DAB1: variants seen among roughly 807,000 people sequenced by gnomAD.
The protein encoded by DAB1 is disabled homolog 1.
In DAB1, 15 loss-of-function variants were observed where a neutral mutation model predicts 64.6. The observed-to-expected ratio is 0.23, with a 90% CI of 0.16 to 0.36. The LOEUF (loss-of-function observed/expected upper bound fraction) is 0.36. Ranked by LOEUF, DAB1 falls within the 10% of genes least tolerant of loss-of-function variation. The pLI, the probability that DAB1 is intolerant of heterozygous loss-of-function variation, is 1.00. For missense variants in DAB1, 596 were observed against 706.7 expected (o/e 0.84, Z 1.78); for synonymous variants, 235 against 251.9 (o/e 0.93, Z 0.64).
intron 7 of DAB1, among the ~76,000 whole-genome samples, chr1:57,448,761 G>A (rs1477506357): frequency 1.8e-5 from 2 of 108,712 alleles, no homozygotes; most frequent in Non-Finnish European, 1.9e-5. Flanking sequence ...GTAGCAAATA[G>A]CAATTCTGAC....
intron 4 of DAB1, among the ~76,000 whole-genome samples, chr1:58,335,381 T>C (rs989687764): frequency 2.0e-5 from 3 of 152,166 alleles, no homozygotes; most frequent in Admixed American, 1.3e-4. Flanking sequence ...TTACCCTAAA[T>C]AGAAAAGTAA....
chr1:57,953,877 C>A (rs1252297053), intron 5 of DAB1, among the ~76,000 whole-genome samples: 2 of 152,172 alleles, frequency 1.3e-5, no homozygotes, highest in Admixed American at 6.5e-5. Context: ...GTTCAGATAA[C>A]CATCCCTTCC....
chr1:57,025,411 G>A (rs971524748), intron 10 of DAB1, among the ~76,000 whole-genome samples: 1 of 152,116 alleles, frequency 6.6e-6, no homozygotes, highest in African/African-American at 2.4e-5. Context: ...GTGAGGCCCA[G>A]GTCATGGTCT....
chr1:57,189,582 C>T (rs912010465), intron 2 of DAB1, among the ~76,000 whole-genome samples: 9 of 152,202 alleles, frequency 5.9e-5, no homozygotes, highest in Admixed American at 1.3e-4. Flanking sequence ...CTTTCCTGAG[C>T]CCCCTGTCAT....
intron 1 of DAB1, among the ~76,000 whole-genome samples, chr1:57,359,712 T>G (rs1679395429): frequency 6.6e-6 from 1 of 151,774 alleles, no homozygotes; most frequent in Non-Finnish European, 1.5e-5. Context: ...GATAAATAAA[T>G]AAAGAAAATG....
chr1:58,274,861 G>A (rs530627616), intron 4 of DAB1, among the ~76,000 whole-genome samples: 56 of 151,982 alleles, frequency 3.7e-4, no homozygotes, highest in Non-Finnish European at 6.9e-4. Context: ...GCCCTGCTTC[G>A]GCTCGCGCAC....
At chr1:57,987,450 G>C (rs1297324433) in intron 5 of DAB1, among the ~76,000 whole-genome samples, 1 of 152,216 alleles carries the variant, frequency 6.6e-6, no homozygotes, top group Non-Finnish European at 1.5e-5. Context: ...GCATAGGAAG[G>C]TGAAGTTTAT....
intron 3 of DAB1, among the ~76,000 whole-genome samples, chr1:58,370,697 G>A (rs566245540): frequency 3.4e-4 from 52 of 152,254 alleles, no homozygotes; most frequent in African/African-American, 1.0e-3. Context: ...AGGACCTAGC[G>A]TGAGATGATT....
At chr1:58,073,066 C>T (rs2806406) in intron 5 of DAB1, among the ~76,000 whole-genome samples, 89,017 of 151,952 alleles carry the variant, frequency 0.59, 26,317 homozygotes, top group Admixed American at 0.65. Flanking sequence ...AATGGGGAAA[C>T]AGAAGCTCAT....
chr1:57,419,758 G>C (rs1280468529), intron 1 of DAB1, among the ~76,000 whole-genome samples: 2 of 152,198 alleles, frequency 1.3e-5, no homozygotes, highest in Non-Finnish European at 2.9e-5. Context: ...TCATTATAAA[G>C]AAAACTATAA....
chr1:58,307,821 A>G (rs976547685), intron 4 of DAB1, among the ~76,000 whole-genome samples: 2 of 152,008 alleles, frequency 1.3e-5, no homozygotes, highest in African/African-American at 4.8e-5. Context: ...AATACCCAGG[A>G]AAGGGGGCCA....
intron 5 of DAB1, among the ~76,000 whole-genome samples, chr1:58,061,030 C>T (rs565574722): frequency 6.6e-6 from 1 of 152,288 alleles, no homozygotes; most frequent in East Asian, 1.9e-4. Flanking sequence ...CTCCATCCCT[C>T]CCTTTGGCAG....
At chr1:57,801,256 T>C (rs1357056213) in intron 6 of DAB1, among the ~76,000 whole-genome samples, 4 of 152,368 alleles carry the variant, frequency 2.6e-5, no homozygotes, top group South Asian at 2.1e-4. Flanking sequence ...TTGAGAGACC[T>C]TGGACAAGTT....
At chr1:57,796,591 C>T (rs939625874) in intron 6 of DAB1, among the ~76,000 whole-genome samples, 2 of 151,542 alleles carry the variant, frequency 1.3e-5, no homozygotes, top group Admixed American at 6.6e-5. Context: ...ATTGGATAGT[C>T]TCTCTCTTCC....
At chr1:58,223,683 C>T (rs1454831914) in intron 4 of DAB1, among the ~76,000 whole-genome samples, 13 of 152,054 alleles carry the variant, frequency 8.5e-5, no homozygotes, top group Admixed American at 7.2e-4. Flanking sequence ...ATCGGGGAGG[C>T]AGAACTAGAT....
chr1:57,276,581 T>C (rs1570136583), intron 2 of DAB1, among the ~76,000 whole-genome samples: 1 of 152,342 alleles, frequency 6.6e-6, no homozygotes, highest in East Asian at 1.9e-4. Flanking sequence ...AACAAGTTAT[T>C]GTCCAGCAAG....
At chr1:57,794,092 A>C (rs1650728123) in intron 6 of DAB1, among the ~76,000 whole-genome samples, 1 of 152,148 alleles carries the variant, frequency 6.6e-6, no homozygotes, top group Non-Finnish European at 1.5e-5. Context: ...TGTGCCTCAG[A>C]ATAATCCTGC....
intron 7 of DAB1, among the ~76,000 whole-genome samples, chr1:57,467,958 A>G (rs74074734): frequency 0.042 from 6,325 of 152,252 alleles, 208 homozygotes; most frequent in East Asian, 0.18. Context: ...AGCTCAGAAC[A>G]TAGAGAGAAC....
chr1:57,017,984 G>C (rs1481378559), intron 11 of DAB1, among the ~76,000 whole-genome samples: 2 of 152,128 alleles, frequency 1.3e-5, no homozygotes, highest in Non-Finnish European at 1.5e-5. Context: ...GGCACTACTG[G>C]CATTTAGGAG....
Sources: allele counts gnomAD v4.1 joint callset (sites outside exome capture counted in the v4.1 genomes callset), GRCh38; gene constraint gnomAD v4.1.1; transcripts MANE v1.5; gene names NCBI Gene and HGNC (gene_info 2026-07-23, HGNC 2026-07-21).